CTTNBP2: variants seen among roughly 807,000 people sequenced by gnomAD.
The protein encoded by CTTNBP2 is cortactin binding protein 2.
CTTNBP2 carries 108 observed loss-of-function variants against 156.9 expected under a neutral mutation model. The observed-to-expected ratio is 0.69, with a 90% CI of 0.59 to 0.81. The LOEUF is 0.81. CTTNBP2 is among the 30% of genes least tolerant of loss of function. The probability of loss-of-function intolerance (pLI) is 0.00; values close to 1 mark genes in which losing one functional copy is unlikely to be tolerated. For missense variants in CTTNBP2, 1,924 were observed against 2,035.4 expected (o/e 0.95, Z 1.05); for synonymous variants, 767 against 751.8 (o/e 1.02, Z -0.33).
At chr7:117,784,719 G>A (rs1356098721) in intron 4 of CTTNBP2, among the ~76,000 whole-genome samples, 1 of 152,192 alleles carries the variant, frequency 6.6e-6, no homozygotes, top group African/African-American at 2.4e-5. Context: ...AAGTGTTAAA[G>A]TGGTGACTGG....
intron 12 of CTTNBP2, among the ~76,000 whole-genome samples, chr7:117,750,198 C>A (rs1036531418): frequency 6.6e-6 from 1 of 152,130 alleles, no homozygotes; most frequent in African/African-American, 2.4e-5. Flanking sequence ...TTATGGCCAT[C>A]CTGTCAAACT....
chr7:117,722,496 A>G (rs920071471), intron 19 of CTTNBP2, among the ~76,000 whole-genome samples: 4 of 152,334 alleles, frequency 2.6e-5, no homozygotes, highest in South Asian at 4.1e-4. Context: ...TTCAAAGAAT[A>G]TAACATTTGA....
At chr7:117,741,108 C>T (rs867888837) in intron 14 of CTTNBP2, among the ~76,000 whole-genome samples, 1 of 152,122 alleles carries the variant, frequency 6.6e-6, no homozygotes, top group Non-Finnish European at 1.5e-5. Context: ...CCCCCAGATG[C>T]CTTGTGGAGG....
intron 2 of CTTNBP2, among the ~76,000 whole-genome samples, chr7:117,817,954 C>T (rs1007899831): frequency 2.0e-5 from 3 of 152,128 alleles, no homozygotes; most frequent in Non-Finnish European, 2.9e-5. Context: ...CTAAAGCCTA[C>T]ATTTTTAAGC....
intron 3 of CTTNBP2, among the ~76,000 whole-genome samples, chr7:117,795,181 G>C (rs55879816): frequency 1 from 151,700 of 151,708 alleles, 75,846 homozygotes; most frequent in Middle Eastern, 1. Context: ...CAGGCGTGAC[G>C]ACCGCGCCCG....
intron 3 of CTTNBP2, among the ~76,000 whole-genome samples, chr7:117,796,142 T>A (rs906705115): frequency 6.6e-6 from 1 of 152,190 alleles, no homozygotes; most frequent in Admixed American, 6.5e-5. Flanking sequence ...TTCCCTTCAA[T>A]CTAAGGGGGA....
At chr7:117,860,878 T>C (rs1461601922) in intron 2 of CTTNBP2, among the ~76,000 whole-genome samples, 3 of 152,220 alleles carry the variant, frequency 2.0e-5, no homozygotes, top group Admixed American at 2.0e-4. Context: ...ACATGTAGGA[T>C]ACCAAATTAG....
intron 2 of CTTNBP2, among the ~76,000 whole-genome samples, chr7:117,813,840 C>A (rs190932692): frequency 1.8e-4 from 28 of 152,298 alleles, no homozygotes; most frequent in Middle Eastern, 3.4e-3. Context: ...TGATAGAAAT[C>A]TTTCTTTAAT....
chr7:117,728,408 G>C, intron 16 of CTTNBP2, 141 bp from the exon 17 acceptor site: 1 of 646,264 alleles, frequency 1.5e-6, no homozygotes, highest in Non-Finnish European at 2.7e-6. Flanking sequence ...ATGGCTGAAG[G>C]AGGGATAATA....
chr7:117,738,671 T>C (rs569757650), intron 14 of CTTNBP2, among the ~76,000 whole-genome samples: 3 of 152,216 alleles, frequency 2.0e-5, no homozygotes, highest in Admixed American at 6.5e-5. Flanking sequence ...AAGCATGTAC[T>C]TGGGGAGGAG....
intron 2 of CTTNBP2, among the ~76,000 whole-genome samples, chr7:117,821,465 T>A (rs1156513230): frequency 7.2e-5 from 11 of 152,204 alleles, no homozygotes; most frequent in African/African-American, 2.2e-4. Flanking sequence ...CATCTATTAA[T>A]GAGAATATGT....
intron 2 of CTTNBP2, among the ~76,000 whole-genome samples, chr7:117,855,400 G>T (rs1258642533): frequency 1.3e-5 from 2 of 152,130 alleles, no homozygotes; most frequent in Non-Finnish European, 2.9e-5. Context: ...GGTGTGAGCT[G>T]CCACGCCTGG....
At chr7:117,771,034 C>T (rs893191048) in intron 8 of CTTNBP2, among the ~76,000 whole-genome samples, 1 of 152,188 alleles carries the variant, frequency 6.6e-6, no homozygotes, top group Non-Finnish European at 1.5e-5. Flanking sequence ...TGCCGGAACT[C>T]AAGTATTTGG....
At chr7:117,758,413 A>G (rs1237416848) in intron 10 of CTTNBP2, among the ~76,000 whole-genome samples, 1 of 140,606 alleles carries the variant, frequency 7.1e-6, no homozygotes, top group African/African-American at 2.7e-5. Context: ...AGATTCCAGG[A>G]AAAAAAAAAA....
At chr7:117,788,605 A>T (rs185416197) in intron 4 of CTTNBP2, among the ~76,000 whole-genome samples, 1 of 152,320 alleles carries the variant, frequency 6.6e-6, no homozygotes, top group African/African-American at 2.4e-5. Flanking sequence ...CTTAGTTGCA[A>T]TGGTCACAGT....
At chr7:117,806,744 ATTTTT>A (rs3059529) in intron 3 of CTTNBP2, among the ~76,000 whole-genome samples, 1 of 119,226 alleles carries the variant, frequency 8.4e-6, no homozygotes, top group African/African-American at 3.1e-5. Flanking sequence ...TCTTTTTCTC[ATTTTT>A]TTTTTTTTTT....
chr7:117,736,909 C>A (rs960136036), intron 14 of CTTNBP2, among the ~76,000 whole-genome samples: 1 of 152,176 alleles, frequency 6.6e-6, no homozygotes, highest in African/African-American at 2.4e-5. Context: ...ACCAAATAGT[C>A]TACTTTTTAC....
In CTTNBP2 at chr7:117,710,679, T is replaced by A. The variant is rs1326543210; in HGVS notation, c.*858A>T. On this transcript the variant is annotated 3_prime_UTR_variant, in exon 23 of 23. Coordinates refer to ENST00000160373, the MANE Select transcript of CTTNBP2 (RefSeq NM_033427.3). The stretch of plus-strand genomic sequence containing the variant: ...CATGAAATCAATATTTTATTCAGTG[T>A]CAAAGCATCTTAACTGAATTGTGTA... 2.6e-5 allele frequency: 4 copies of A among 152,618 alleles called. No homozygotes were observed. The highest frequency in any genetic ancestry group is 5.9e-5 in the Non-Finnish European group (4 of 68,008). 9.5% of individuals were successfully genotyped at this position (152,618 alleles called of 1,614,324 possible). A position where few individuals can be genotyped will look rare whatever the true frequency, so the allele number is the denominator to read the frequency against.
chr7:117,819,387 A>ACACACT (rs1042107065), intron 2 of CTTNBP2, among the ~76,000 whole-genome samples: 1 of 149,740 alleles, frequency 6.7e-6, no homozygotes, highest in Non-Finnish European at 1.5e-5. Flanking sequence ...ACACACACAC[A>ACACACT]CACACACACA....
Sources: allele counts gnomAD v4.1 joint callset (sites outside exome capture counted in the v4.1 genomes callset), GRCh38; gene constraint gnomAD v4.1.1; transcripts MANE v1.5; gene names NCBI Gene and HGNC (gene_info 2026-07-23, HGNC 2026-07-21).